The following TMEM117 variants were observed in gnomAD, a reference collection of about 807,000 sequenced individuals.
TMEM117 encodes transmembrane protein 117.
A neutral mutation model predicts 52.4 loss-of-function variants in TMEM117; 27 were observed. The ratio of observed to expected loss-of-function variants is 0.51; its 90% CI spans 0.38 to 0.71. The LOEUF (loss-of-function observed/expected upper bound fraction) is 0.71, where lower values mean the gene tolerates loss of function less well. Among genes scored for constraint, TMEM117 ranks in the 30% least tolerant of loss-of-function variants. The pLI is 0.00. For missense variants in TMEM117, 556 were observed against 630.5 expected, an observed-to-expected ratio of 0.88 and a Z score of 1.26; for synonymous variants, 215 against 206.3, an observed-to-expected ratio of 1.04 and a Z score of -0.36.
chr12:43,977,444 C>T (rs1211723997), intron 3 of TMEM117, among the ~76,000 whole-genome samples: 11 of 152,170 alleles, frequency 7.2e-5, no homozygotes, highest in Admixed American at 7.2e-4. Context: ...AGCATATTCT[C>T]TTCCCCATGT....
At chr12:44,137,313 G>A (rs1948505320) in intron 3 of TMEM117, among the ~76,000 whole-genome samples, 3 of 152,190 alleles carry the variant, frequency 2.0e-5, no homozygotes, top group Middle Eastern at 3.4e-3. Context: ...TCTCAAGCCA[G>A]AAGACAGGGA....
intron 2 of TMEM117, among the ~76,000 whole-genome samples, chr12:43,869,362 A>G (rs193060760): frequency 6.6e-6 from 1 of 152,306 alleles, no homozygotes; most frequent in East Asian, 1.9e-4. Flanking sequence ...TGTGCCAGCT[A>G]CTGTTCTGAG....
intron 5 of TMEM117, among the ~76,000 whole-genome samples, chr12:44,295,509 T>C (rs908654162): frequency 2.0e-5 from 3 of 152,196 alleles, no homozygotes; most frequent in Non-Finnish European, 4.4e-5. Context: ...ACGCTTGGCC[T>C]AGTATGCTGT....
chr12:44,392,791 T>C (rs1338762611), downstream of TMEM117, among the ~76,000 whole-genome samples: 2 of 150,968 alleles, frequency 1.3e-5, no homozygotes, highest in Non-Finnish European at 2.9e-5. Context: ...CATTCTAGCA[T>C]TGAAATTACT....
chr12:44,190,167 C>A (rs1485072795), intron 4 of TMEM117, among the ~76,000 whole-genome samples: 5 of 152,032 alleles, frequency 3.3e-5, no homozygotes, highest in Non-Finnish European at 7.4e-5. Flanking sequence ...TTTGTAATAG[C>A]CTAATATTTT....
At chr12:44,090,641 T>TG (rs1287577025) in intron 3 of TMEM117, among the ~76,000 whole-genome samples, 1 of 151,606 alleles carries the variant, frequency 6.6e-6, no homozygotes, top group Non-Finnish European at 1.5e-5. Flanking sequence ...TTCACCATGT[T>TG]GCTCAGGCTG....
intron 5 of TMEM117, among the ~76,000 whole-genome samples, chr12:44,282,206 C>T (rs1261389198): frequency 6.6e-6 from 1 of 152,140 alleles, no homozygotes; most frequent in Non-Finnish European, 1.5e-5. Context: ...AATTAAACAT[C>T]TTTTTCTTCC....
intron 3 of TMEM117, among the ~76,000 whole-genome samples, chr12:43,985,644 C>T (rs183596936): frequency 9.9e-5 from 15 of 152,268 alleles, no homozygotes; most frequent in Admixed American, 7.2e-4. Context: ...CAGCATCACT[C>T]AGCTTATAAT....
downstream of TMEM117, among the ~76,000 whole-genome samples, chr12:44,392,421 T>C (rs1348389172): frequency 6.6e-6 from 1 of 152,152 alleles, no homozygotes; most frequent in African/African-American, 2.4e-5. Context: ...AGTACTCTTA[T>C]GTGTTGTGTA....
At chr12:44,125,398 C>A (rs568650774) in intron 3 of TMEM117, among the ~76,000 whole-genome samples, 118 of 152,148 alleles carry the variant, frequency 7.8e-4, no homozygotes, top group Non-Finnish European at 1.4e-3. Flanking sequence ...TGAGCCACTG[C>A]GCCCGGCCTG....
chr12:43,820,151 G>A, the TMEM117 span, among the ~76,000 whole-genome samples: 19 of 151,902 alleles, frequency 1.3e-4, no homozygotes, highest in Admixed American at 1.1e-3. Flanking sequence ...CAAGTGGAGT[G>A]CTGTGGCGCA....
chr12:44,030,233 C>T (rs747568569), intron 3 of TMEM117, among the ~76,000 whole-genome samples: 4 of 152,114 alleles, frequency 2.6e-5, no homozygotes, highest in South Asian at 2.1e-4. Flanking sequence ...TATGCAGTTT[C>T]GATATTAGGT....
intron 3 of TMEM117, among the ~76,000 whole-genome samples, chr12:43,961,490 A>G (rs911082073): frequency 6.6e-6 from 1 of 152,198 alleles, no homozygotes; most frequent in African/African-American, 2.4e-5. Context: ...AAATTAGCCC[A>G]TGGAATATAT....
chr12:44,163,013 G>A (rs530643217), intron 4 of TMEM117, among the ~76,000 whole-genome samples: 15 of 152,232 alleles, frequency 9.9e-5, no homozygotes, highest in African/African-American at 2.6e-4. Flanking sequence ...GGTCAGCCTC[G>A]GTTCTTCTGC....
At chr12:44,092,020 A>C (rs1444552029) in intron 3 of TMEM117, among the ~76,000 whole-genome samples, 1 of 152,214 alleles carries the variant, frequency 6.6e-6, no homozygotes, top group African/African-American at 2.4e-5. Context: ...GGGGGAAAAA[A>C]GTATAGCCAT....
intron 6 of TMEM117, among the ~76,000 whole-genome samples, chr12:44,338,898 G>A (rs1051579867): frequency 6.6e-6 from 1 of 152,084 alleles, no homozygotes; most frequent in Non-Finnish European, 1.5e-5. Flanking sequence ...TTGGAAAAGT[G>A]GGTGGAGCAA....
chr12:44,355,967 A>G (rs757782592), intron 6 of TMEM117, among the ~76,000 whole-genome samples: 1 of 152,014 alleles, frequency 6.6e-6, no homozygotes, highest in Admixed American at 6.6e-5. Flanking sequence ...GCATCTTCCA[A>G]GCAGGTTCAT....
chr12:43,862,334 A>G (rs1592314811), intron 2 of TMEM117, among the ~76,000 whole-genome samples: 1 of 152,124 alleles, frequency 6.6e-6, no homozygotes, highest in African/African-American at 2.4e-5. Context: ...ATGCCCAGCT[A>G]ATTTTTTGCA....
intron 2 of TMEM117, among the ~76,000 whole-genome samples, chr12:43,905,704 G>A (rs955582092): frequency 2.0e-5 from 3 of 152,092 alleles, no homozygotes; most frequent in Admixed American, 6.5e-5. Context: ...TAGGCTTGGA[G>A]CAAGAACTTC....
Sources: gnomAD v4.1 joint callset for allele counts (sites outside exome capture counted in the v4.1 genomes callset) on GRCh38, gnomAD v4.1.1 for gene constraint, MANE v1.5 for transcripts, NCBI Gene and HGNC (gene_info 2026-07-23, HGNC 2026-07-21) for gene names.